The following TAOK1 variants were observed in gnomAD, a reference collection of about 807,000 sequenced individuals.
The protein encoded by TAOK1 is serine/threonine-protein kinase TAO1.
In TAOK1, 21 loss-of-function variants were observed where a neutral mutation model predicts 138.3. The ratio of observed to expected loss-of-function variants is 0.15; its 90% CI spans 0.11 to 0.22. TAOK1 has a LOEUF of 0.22. Ranked by LOEUF, TAOK1 falls within the 10% of genes least tolerant of loss-of-function variation. The probability of loss-of-function intolerance (pLI) is 1.00; values close to 1 mark genes in which losing one functional copy is unlikely to be tolerated. For synonymous variants in TAOK1, 361 were observed against 398.4 expected (o/e 0.91, Z 1.12); for missense variants, 651 against 1,227.7 (o/e 0.53, Z 7.02).
At chr17:29,505,353 T>C (rs778506369) in intron 13 of TAOK1, among the ~76,000 whole-genome samples, 2 of 152,074 alleles carry the variant, frequency 1.3e-5, no homozygotes, top group Non-Finnish European at 2.9e-5. Flanking sequence ...CTGTGAGGGA[T>C]TGGTTCCAGG....
rs11545088 is a variant in TAOK1, at chr17:29,544,316, T to G, written c.*1294T>G. On this transcript the variant is annotated 3_prime_UTR_variant, in exon 20 of 20. Coordinates refer to ENST00000261716, the MANE Select transcript of TAOK1 (RefSeq NM_020791.4). ...TTGCTGCATGTGCAGGTCCTCTATT[T>G]TTAATTGCTGTTTTCGTTGCTGCAG... The G allele has an allele frequency of 8.2e-4, 125 of 152,766 alleles. No individual in the cohort carries two copies. The highest frequency in any genetic ancestry group is 2.9e-3 in the African/African-American group (119 of 41,566). The allele number at this position is 152,766 out of a possible 1,614,324, so 9.5% of individuals were successfully genotyped here. A position where few individuals can be genotyped will look rare whatever the true frequency, so the allele number is the denominator to read the frequency against.
intron 1 of TAOK1, among the ~76,000 whole-genome samples, chr17:29,405,973 G>A (rs137916925): frequency 6.6e-6 from 1 of 152,252 alleles, no homozygotes; most frequent in African/African-American, 2.4e-5. Context: ...TGTAGATACT[G>A]TGCCAGTATA....
chr17:29,473,784 T>C (rs1422620799), intron 3 of TAOK1, among the ~76,000 whole-genome samples: 1 of 151,880 alleles, frequency 6.6e-6, no homozygotes, highest in African/African-American at 2.4e-5. Flanking sequence ...TAGAGTGCAG[T>C]GGCACTATCT....
chr17:29,541,366 T>C (rs1196611503), intron 19 of TAOK1, among the ~76,000 whole-genome samples: 1 of 150,386 alleles, frequency 6.6e-6, no homozygotes, highest in Non-Finnish European at 1.5e-5. Context: ...CGCCTCAGCC[T>C]CCCAAAGTGC....
rs1261204042 is a variant in TAOK1, at chr17:29,550,742, T to G, written c.*7720T>G. ...CCAGTCACCCAAACATATTTATGTT[T>G]TTAGTTTTATGTACTCATTTCCCTT... On this transcript the variant is annotated 3_prime_UTR_variant, in exon 20 of 20. Coordinates refer to ENST00000261716, the MANE Select transcript of TAOK1 (RefSeq NM_020791.4). The G allele has an allele frequency of 6.6e-6, 1 of 152,324 alleles. No individual in the cohort carries two copies. The highest frequency in any genetic ancestry group is 2.4e-5 in the African/African-American group (1 of 41,458). 9.4% of individuals were successfully genotyped at this position (152,324 alleles called of 1,614,324 possible). A position where few individuals can be genotyped will look rare whatever the true frequency, so the allele number is the denominator to read the frequency against.
chr17:29,530,323 C>A, intron 17 of TAOK1, 84 bp from the exon 18 acceptor site: 1 of 1,210,920 alleles, frequency 8.3e-7, no homozygotes, highest in Non-Finnish European at 1.2e-6. Flanking sequence ...TTCCTAGTAG[C>A]CTTTATTTTC....
intron 1 of TAOK1, among the ~76,000 whole-genome samples, chr17:29,409,595 A>C (rs1052615958): frequency 6.6e-6 from 1 of 151,864 alleles, no homozygotes; most frequent in Non-Finnish European, 1.5e-5. Context: ...AGCCTCCCAA[A>C]GTGCTGGGAT....
At position 29,546,089 on chromosome 17, in the gene TAOK1, T is replaced by TA. The variant is rs1331864729; in HGVS notation, c.*3067_*3068insA. The stretch of plus-strand genomic sequence containing the variant: ...ATTGAAGTCAGCTCTAACCCCAAAT[T>TA]CTAGTATCCAAAAGTATTTTTATTT... On this transcript the variant is annotated 3_prime_UTR_variant, in exon 20 of 20. Coordinates refer to ENST00000261716, the MANE Select transcript of TAOK1 (RefSeq NM_020791.4). The TA allele has an allele frequency of 1.3e-5, 2 of 152,148 alleles. No homozygotes were observed. Among genetic ancestry groups the TA allele is most frequent in the Non-Finnish European group, 2.9e-5 (2 of 67,970 alleles). The allele number at this position is 152,148 out of a possible 1,614,324, so 9.4% of individuals were successfully genotyped here.
chr17:29,491,976 C>G (rs2031304629), intron 10 of TAOK1, 111 bp downstream of exon 10: 1 of 750,600 alleles, frequency 1.3e-6, no homozygotes, highest in African/African-American at 1.8e-5. Flanking sequence ...CCTTGACCTC[C>G]CAGGCTCAAG....
intron 1 of TAOK1, among the ~76,000 whole-genome samples, chr17:29,443,218 A>C (rs1428668505): frequency 6.6e-6 from 1 of 152,172 alleles, no homozygotes; most frequent in Non-Finnish European, 1.5e-5. Context: ...TTCTTGTGAA[A>C]ATCTGAAGGT....
At chr17:29,434,790 G>A (rs1171507386) in intron 1 of TAOK1, among the ~76,000 whole-genome samples, 1 of 152,154 alleles carries the variant, frequency 6.6e-6, no homozygotes, top group Non-Finnish European at 1.5e-5. Flanking sequence ...AACCTCTGTT[G>A]TCATTTGCCT....
chr17:29,414,643 G>A lies in TAOK1; in HGVS notation c.-95+23619G>A, dbSNP rs996947552. On this transcript the variant is annotated intron_variant, in intron 1 of 19. Transcript: ENST00000261716. Reference sequence around the variant, plus strand: ...ACAATCTCGGCTCATTGCAACCTCCGCCTCCCGGGTTCAAGCGATTCTCCT... The same window carrying A: ...ACAATCTCGGCTCATTGCAACCTCCACCTCCCGGGTTCAAGCGATTCTCCT... Among the ~76,000 whole-genome samples, 5 of 151,224 alleles carry A rather than the reference G, an allele frequency of 3.3e-5. No individual in the cohort carries two copies. In the East Asian group the frequency reaches 9.8e-4, roughly 30 times the overall value.
intron 17 of TAOK1, among the ~76,000 whole-genome samples, chr17:29,526,589 T>A (rs2032013591): frequency 6.6e-6 from 1 of 152,006 alleles, no homozygotes; most frequent in Non-Finnish European, 1.5e-5. Flanking sequence ...GATTTTTGTA[T>A]ATTTAGTAGA....
intron 1 of TAOK1, among the ~76,000 whole-genome samples, chr17:29,447,456 G>T (rs552941396): frequency 6.6e-6 from 1 of 151,730 alleles, no homozygotes; most frequent in African/African-American, 2.4e-5. Flanking sequence ...TCAGCCTCCC[G>T]AGTAGCTGGG....
At chr17:29,448,496 C>G (rs2030151161) in intron 1 of TAOK1, among the ~76,000 whole-genome samples, 2 of 152,002 alleles carry the variant, frequency 1.3e-5, no homozygotes, top group Admixed American at 1.3e-4. Context: ...GTTTCTGGGT[C>G]TTTTAGGTTA....
intron 17 of TAOK1, among the ~76,000 whole-genome samples, chr17:29,527,329 G>T (rs1166186146): frequency 6.6e-6 from 1 of 152,100 alleles, no homozygotes; most frequent in African/African-American, 2.4e-5. Flanking sequence ...AGGCGTGGTG[G>T]TAGCTCACAC....
At chr17:29,463,248 A>T (rs986793377) in intron 2 of TAOK1, among the ~76,000 whole-genome samples, 3 of 152,102 alleles carry the variant, frequency 2.0e-5, no homozygotes, top group Non-Finnish European at 4.4e-5. Context: ...AAATAATGAA[A>T]TTGGACTGCT....
chr17:29,485,614 G>A (rs2031156086), intron 8 of TAOK1, among the ~76,000 whole-genome samples: 1 of 152,110 alleles, frequency 6.6e-6, no homozygotes. Flanking sequence ...ACTTCAGCCT[G>A]AGTGATAGAG....
At chr17:29,410,693 C>A (rs1259364070) in intron 1 of TAOK1, among the ~76,000 whole-genome samples, 1 of 138,064 alleles carries the variant, frequency 7.2e-6, no homozygotes, top group Middle Eastern at 5.3e-3. Flanking sequence ...AGTGCAGTGG[C>A]GTGATCTCGG....
Sources: gnomAD v4.1 joint callset for allele counts (sites outside exome capture counted in the v4.1 genomes callset) on GRCh38, gnomAD v4.1.1 for gene constraint, MANE v1.5 for transcripts, NCBI Gene and HGNC (gene_info 2026-07-23, HGNC 2026-07-21) for gene names.